AFDN: variants seen among roughly 807,000 people sequenced by gnomAD.
The protein encoded by AFDN is afadin.
In AFDN, 68 loss-of-function variants were observed where a neutral mutation model predicts 216.6. The observed-to-expected ratio is 0.31, with a 90% CI of 0.26 to 0.38. The LOEUF (loss-of-function observed/expected upper bound fraction) is 0.38, where lower values mean the gene tolerates loss of function less well. Among genes scored for constraint, AFDN ranks in the 10% least tolerant of loss-of-function variants. The probability of loss-of-function intolerance (pLI) is 1.00; values close to 1 mark genes in which losing one functional copy is unlikely to be tolerated. For missense variants in AFDN, 2,136 were observed against 2,342.0 expected (o/e 0.91, Z 1.82); for synonymous variants, 868 against 853.7 (o/e 1.02, Z -0.29).
chr6:167,834,457 GTTTTT>G (rs11446838), intron 1 of AFDN, among the ~76,000 whole-genome samples: 43 of 75,250 alleles, frequency 5.7e-4, no homozygotes, highest in East Asian at 1.9e-3. Context: ...TGTTGTTTCG[GTTTTT>G]TTTTTTTTTT....
Position 167,951,895 on chromosome 6 carries a change from C to T in AFDN, c.4541C>T (p.Ser1514Leu), listed in dbSNP as rs796364513. ...YITVSKEELS[S>L]GDSLSPDPWK... is the part of the protein sequence containing the mutation. ...ACAGTCAGCAAAGAGGAGCTTTCCT[C>T]GGGGGACAGTCTGTCCCCCGACCCG... The change falls in exon 30 of 34, where the codon TCG becomes TTG. Residue 1514 changes from serine to leucine, a missense_variant. Coordinates refer to ENST00000683244, the MANE Select transcript of AFDN (RefSeq NM_001386888.1). This position sits in a 1 kb window ranked among gnomAD's most constrained non-coding sequence, Gnocchi z 7.1. 5.6e-6 allele frequency: 9 copies of T among 1,613,758 alleles called. No individual in the cohort carries two copies. Among genetic ancestry groups the T allele is most frequent in the South Asian group, 3.3e-5 (3 of 91,058 alleles).
At chr6:167,949,146 G>A (rs142305582) in intron 29 of AFDN, among the ~76,000 whole-genome samples, 1 of 152,312 alleles carries the variant, frequency 6.6e-6, no homozygotes, top group Non-Finnish European at 1.5e-5. Context: ...GCTGGGGAAC[G>A]TTATCCAATG....
intron 6 of AFDN, among the ~76,000 whole-genome samples, chr6:167,886,524 A>G (rs928021211): frequency 2.0e-5 from 3 of 152,112 alleles, no homozygotes; most frequent in Non-Finnish European, 4.4e-5. Context: ...TTGAAGTGCA[A>G]GAGAGCTCTG....
At chr6:167,939,063 A>T (rs1258117105) in intron 23 of AFDN, among the ~76,000 whole-genome samples, 4 of 152,164 alleles carry the variant, frequency 2.6e-5, no homozygotes, top group African/African-American at 9.7e-5. Flanking sequence ...ATTAATTGTG[A>T]TCATGTAAAA....
rs551222450 is a variant in AFDN at position 167,907,095 on chromosome 6, C to T, written c.1651-76C>T. The T allele has an allele frequency of 4.7e-6, 5 of 1,075,052 alleles. No homozygotes were observed. The South Asian group carries it at 7.0e-5, about 15-fold the overall frequency. The allele number at this position is 1,075,052 out of a possible 1,614,324, so 66.6% of individuals were successfully genotyped here. A position where few individuals can be genotyped will look rare whatever the true frequency, so the allele number is the denominator to read the frequency against. ...TGCTTGGCAGCCCTGTATCAGATCTCTGCTTGCAACGCTGAGTGTCAAGCT... is the reference window on the plus strand; with the variant it reads ...TGCTTGGCAGCCCTGTATCAGATCTTTGCTTGCAACGCTGAGTGTCAAGCT... On this transcript the variant is annotated intron_variant, in intron 12 of 33. Coordinates refer to ENST00000683244, the MANE Select transcript of AFDN (RefSeq NM_001386888.1).
Position 167,962,492 on chromosome 6 carries a change from GGAA to G in AFDN, c.4896_4898del (p.Glu1632del). 1.2e-6 allele frequency: 2 copies of G among 1,613,796 alleles called. No individual in the cohort carries two copies. Among genetic ancestry groups the G allele is most frequent in the Non-Finnish European group, 1.7e-6 (2 of 1,179,774 alleles). ...TAGAAGAGATGCGCAAGCGGGAAGC[GGAA>G]GACCGAGCGAGGCAAGAGGAAGAGC... On this transcript the variant is annotated inframe_deletion, in exon 31 of 34. Coordinates refer to ENST00000683244, the MANE Select transcript of AFDN (RefSeq NM_001386888.1). This position sits in a 1 kb window ranked among gnomAD's most constrained non-coding sequence, Gnocchi z 5.2.
intron 1 of AFDN, among the ~76,000 whole-genome samples, chr6:167,836,594 C>T (rs1780466559): frequency 6.6e-6 from 1 of 152,128 alleles, no homozygotes; most frequent in Non-Finnish European, 1.5e-5. Flanking sequence ...TTAAGATTAG[C>T]ATCACTTAAG....
intron 23 of AFDN, among the ~76,000 whole-genome samples, chr6:167,941,779 G>A (rs575958143): frequency 2.0e-4 from 30 of 150,220 alleles, no homozygotes; most frequent in African/African-American, 7.4e-4. Context: ...AGGGGTGAGG[G>A]TGGAAACCAT....
intron 6 of AFDN, among the ~76,000 whole-genome samples, chr6:167,881,342 G>A (rs1490911946): frequency 2.0e-5 from 3 of 152,166 alleles, no homozygotes; most frequent in Non-Finnish European, 2.9e-5. Flanking sequence ...GGGAAATCAT[G>A]TTTTTCTCAC....
At position 167,951,292 on chromosome 6, in the gene AFDN, T is replaced by C; in HGVS notation, c.3938T>C (p.Ile1313Thr). The C allele has an allele frequency of 6.2e-7, 1 of 1,614,158 alleles. No homozygotes were observed. The highest frequency in any genetic ancestry group is 8.5e-7 in the Non-Finnish European group (1 of 1,180,028). ...MDRKSDSDMW[I>T]NQSSSLDSST... ...CGAAAGTCTGATAGTGATATGTGGA[T>C]AAATCAGAGCTCCTCACTGGACTCC... Residue 1313 changes from isoleucine (I) to threonine (T), a missense_variant, in exon 30 of 34, where the codon ATA (isoleucine) becomes ACA (threonine). Ile to Thr is a moderately conservative substitution (Grantham distance 89). Coordinates refer to ENST00000683244, the MANE Select transcript of AFDN (RefSeq NM_001386888.1). The surrounding 1 kb of genome is among the most constrained non-coding windows in gnomAD (Gnocchi z 7.1).
In AFDN at chr6:167,893,898, C is replaced by G; in HGVS notation, c.1214C>G (p.Thr405Ser). ...RNHFAYYNYHTYEDGSDSRDK... is the reference protein window; with the variant it reads ...RNHFAYYNYHSYEDGSDSRDK... ...CACTTTGCCTACTACAACTATCACA[C>G]TTACGAAGGTAATGCTATGCTTACT... Residue 405 changes from threonine (T) to serine (S), a missense_variant, in exon 9 of 34, where the codon ACT becomes AGT. Physicochemically the swap from Thr to Ser is moderately conservative, Grantham distance 58. Coordinates refer to ENST00000683244, the MANE Select transcript of AFDN (RefSeq NM_001386888.1). 6.3e-7 allele frequency: 1 copy of G among 1,586,394 alleles called. No homozygotes were observed. The highest frequency in any genetic ancestry group is 8.6e-7 in the Non-Finnish European group (1 of 1,164,260).
At chr6:167,913,671 A>G in intron 16 of AFDN, 1 of 525,170 alleles carries the variant, frequency 1.9e-6, no homozygotes, top group East Asian at 3.2e-5. Context: ...TTTATTATTT[A>G]TCCTTGGTTC....
chr6:167,915,472 G>A (rs1380777352), intron 19 of AFDN, 39 bp downstream of exon 19: 1 of 1,566,070 alleles, frequency 6.4e-7, no homozygotes, highest in East Asian at 2.3e-5. Flanking sequence ...TGTGCTTTAT[G>A]ATAAAGGCAT....
Position 167,893,857 on chromosome 6 carries a change from C to A in AFDN, c.1178-5C>A. 6.3e-7 allele frequency: 1 copy of A among 1,584,508 alleles called. No individual in the cohort carries two copies. The highest frequency in any genetic ancestry group is 1.2e-5 in the South Asian group (1 of 86,574). ...CCTGGGTCCTGGCATGTGTCTTAACCCCAGGGAGAAGGAATCACTTTGCCT... is the reference window on the plus strand; with the variant it reads ...CCTGGGTCCTGGCATGTGTCTTAACACCAGGGAGAAGGAATCACTTTGCCT... On this transcript the variant is annotated splice_region_variant and splice_polypyrimidine_tract_variant and intron_variant, in intron 8 of 33. Coordinates refer to ENST00000683244, the MANE Select transcript of AFDN (RefSeq NM_001386888.1).
At chr6:167,964,515 T>TTCAA in intron 31 of AFDN, 1 of 1,065,842 alleles carries the variant, frequency 9.4e-7, no homozygotes, top group East Asian at 5.0e-5. Context: ...AGCAAGAAGA[T>TTCAA]TCAATGAAAA....
At chr6:167,860,656 G>A (rs1414858271) in intron 1 of AFDN, among the ~76,000 whole-genome samples, 5 of 152,218 alleles carry the variant, frequency 3.3e-5, no homozygotes, top group Admixed American at 3.3e-4. Flanking sequence ...TGGCTGTCAT[G>A]TTGAAATGTG....
At chr6:167,856,373 G>T (rs916517262) in intron 1 of AFDN, among the ~76,000 whole-genome samples, 5 of 151,968 alleles carry the variant, frequency 3.3e-5, no homozygotes, top group Admixed American at 1.3e-4. Context: ...CCAGTGGGGT[G>T]GGGGGTCTTG....
intron 13 of AFDN, among the ~76,000 whole-genome samples, chr6:167,910,819 A>C (rs1197125360): frequency 1.3e-5 from 2 of 152,194 alleles, no homozygotes; most frequent in African/African-American, 2.4e-5. Context: ...TCCCTGTACT[A>C]GACATGAAGT....
chr6:167,864,412 ATC>A (rs747568923), intron 1 of AFDN, 137 bp from the exon 2 acceptor site: 2 of 855,084 alleles, frequency 2.3e-6, no homozygotes, highest in African/African-American at 3.3e-5. Context: ...CTAAAAACCC[ATC>A]TCTCTACATT....
Sources: gnomAD v4.1 joint callset for allele counts (sites outside exome capture counted in the v4.1 genomes callset) on GRCh38, gnomAD v4.1.1 for gene constraint, Gnocchi (gnomAD v3.1) non-coding constraint, MANE v1.5 for transcripts, NCBI Gene and HGNC (gene_info 2026-07-23, HGNC 2026-07-21) for gene names.